Variants in MRPL42 observed in about 807,000 individuals in gnomAD.
MRPL42 encodes the protein mitochondrial ribosomal protein L42, also known as large ribosomal subunit protein mL42.
In MRPL42, 17 loss-of-function variants were observed where a neutral mutation model predicts 17.9. The ratio of observed to expected loss-of-function variants is 0.95; its 90% CI spans 0.65 to 1.42. MRPL42 has a LOEUF of 1.42. Among genes scored for constraint, MRPL42 ranks in the 40% most tolerant of loss-of-function variants. The pLI is 0.00. For missense variants in MRPL42, 177 were observed against 175.2 expected, an observed-to-expected ratio of 1.01 and a Z score of -0.06; for synonymous variants, 59 against 54.4, an observed-to-expected ratio of 1.08 and a Z score of -0.37.
chr12:93,501,157 G>T lies in MRPL42; in HGVS notation c.384-19G>T. On this transcript the variant is annotated intron_variant, in intron 5 of 5. Coordinates refer to ENST00000549982, the MANE Select transcript of MRPL42 (RefSeq NM_014050.4). ...TTTTATTAAAATCATCTTATTCCAA[G>T]TATTTTCTTCTTTTCAAGGTATCAC... is the stretch of plus-strand genomic sequence containing the variant. The T allele has an allele frequency of 6.4e-7, 1 of 1,561,154 alleles. No homozygotes were observed. The highest frequency in any genetic ancestry group is 1.2e-5 in the South Asian group (1 of 83,468).
intron 5 of MRPL42, 36 bp downstream of exon 5, chr12:93,487,696 A>G: frequency 1.3e-6 from 2 of 1,513,392 alleles, no homozygotes; most frequent in Non-Finnish European, 1.8e-6. Context: ...TCCCTACTAC[A>G]TACAGTAAAG....
In MRPL42 at chr12:93,487,494, T is replaced by TAC; in HGVS notation, c.220-2_220-1insCA. ...ATGATGTTTGTTACTGATTATTTTGTAGCCTATCCCTCGGCCAGATCCTGT... is the reference window on the plus strand; with the variant it reads ...ATGATGTTTGTTACTGATTATTTTGTACAGCCTATCCCTCGGCCAGATCCTGT... On this transcript the variant is annotated splice_polypyrimidine_tract_variant and splice_region_variant and intron_variant, in intron 4 of 5. Coordinates refer to ENST00000549982, the MANE Select transcript of MRPL42 (RefSeq NM_014050.4). 1 of 1,606,384 alleles carries TAC rather than the reference T, an allele frequency of 6.2e-7. No homozygotes were observed. The highest frequency in any genetic ancestry group is 8.5e-7 in the Non-Finnish European group (1 of 1,177,418).
At position 93,511,007 on chromosome 12, in the gene MRPL42, T is replaced by A. The variant is rs940009878; in HGVS notation, c.*9786T>A. On this transcript the variant is annotated 3_prime_UTR_variant, in exon 6 of 6. Transcript: ENST00000549982. ...AAAATAACTTCACTGGCTTTTTTTATCAAGAAAAGACTTACCTTTTCTGAA... is the reference window on the plus strand; with the variant it reads ...AAAATAACTTCACTGGCTTTTTTTAACAAGAAAAGACTTACCTTTTCTGAA... 1.3e-5 allele frequency: 2 copies of A among 152,190 alleles called. No individual in the cohort carries two copies. The highest frequency in any genetic ancestry group is 2.1e-4 in the South Asian group (1 of 4,824). The allele number at this position is 152,190 out of a possible 1,614,324, so 9.4% of individuals were successfully genotyped here.
chr12:93,487,392 A>T, intron 4 of MRPL42, 105 bp from the exon 5 acceptor site: 1 of 1,021,808 alleles, frequency 9.8e-7, no homozygotes, highest in Non-Finnish European at 1.4e-6. Flanking sequence ...ACCCTAAAGT[A>T]CTATAGTGAA....
At chr12:93,483,349 G>A (rs1592774734) in intron 4 of MRPL42, among the ~76,000 whole-genome samples, 1 of 152,262 alleles carries the variant, frequency 6.6e-6, no homozygotes, top group South Asian at 2.1e-4. Flanking sequence ...TCATTGTTAC[G>A]TGAACATCAT....
chr12:93,496,730 A>C (rs1244774835), intron 5 of MRPL42, among the ~76,000 whole-genome samples: 1 of 151,452 alleles, frequency 6.6e-6, no homozygotes, highest in Non-Finnish European at 1.5e-5. Flanking sequence ...GCCAGGTTAA[A>C]AGTAATACAG....
chr12:93,498,046 G>GT (rs35409805), intron 5 of MRPL42, among the ~76,000 whole-genome samples: 47,106 of 72,630 alleles, frequency 0.65, 15,710 homozygotes, highest in Middle Eastern at 0.69. Context: ...CTTTCTCACA[G>GT]TATCAGTAAA....
chr12:93,481,397 C>A (rs1880453403), intron 4 of MRPL42, among the ~76,000 whole-genome samples: 1 of 152,210 alleles, frequency 6.6e-6, no homozygotes, highest in Non-Finnish European at 1.5e-5. Flanking sequence ...TGTAGCTCTT[C>A]ACTGTCAAAT....
At position 93,467,537 on chromosome 12, in the gene MRPL42, T is replaced by C. The variant is rs1054153271; in HGVS notation, c.-112T>C. 10 of 152,642 alleles carry C rather than the reference T, an allele frequency of 6.6e-5. No homozygotes were observed. Among genetic ancestry groups the C allele is most frequent in the South Asian group, 2.1e-4 (1 of 4,834 alleles). The allele number at this position is 152,642 out of a possible 1,614,324, so 9.5% of individuals were successfully genotyped here. ...GGATTGAAACAAGATGGCGGGTTCGTGGTGAGAAGCCGTCAAGGTAACCGC... is the reference window on the plus strand; with the variant it reads ...GGATTGAAACAAGATGGCGGGTTCGCGGTGAGAAGCCGTCAAGGTAACCGC... On this transcript the variant is annotated 5_prime_UTR_variant, in exon 1 of 6. Coordinates refer to ENST00000549982, the MANE Select transcript of MRPL42 (RefSeq NM_014050.4).
intron 3 of MRPL42, among the ~76,000 whole-genome samples, chr12:93,477,656 G>C (rs552255324): frequency 6.6e-6 from 1 of 152,220 alleles, no homozygotes; most frequent in South Asian, 2.1e-4. Flanking sequence ...GAGAGCAGTG[G>C]TGTGATCTTG....
chr12:93,479,216 C>G (rs1880337647), intron 3 of MRPL42, among the ~76,000 whole-genome samples, 172 bp from the exon 4 acceptor site: 1 of 149,836 alleles, frequency 6.7e-6, no homozygotes. Context: ...AGCCACCACG[C>G]TGGGCCCAGA....
intron 4 of MRPL42, among the ~76,000 whole-genome samples, chr12:93,481,999 T>G (rs1316210221): frequency 6.6e-6 from 1 of 152,226 alleles, no homozygotes; most frequent in Non-Finnish European, 1.5e-5. Flanking sequence ...TTGTGTTTCC[T>G]TTGTTTTGAC....
chr12:93,482,861 C>A (rs761168150), intron 4 of MRPL42, among the ~76,000 whole-genome samples: 7 of 151,460 alleles, frequency 4.6e-5, no homozygotes, highest in Non-Finnish European at 7.4e-5. Context: ...GCCGGGCTTA[C>A]AAGCATGAGC....
rs1056553413 is a variant in MRPL42 at position 93,502,392 on chromosome 12, T to G, written c.*1171T>G. 1 of 152,224 alleles carries G rather than the reference T, an allele frequency of 6.6e-6. No individual in the cohort carries two copies. The highest frequency in any genetic ancestry group is 1.5e-5 in the Non-Finnish European group (1 of 68,040). The allele number at this position is 152,224 out of a possible 1,614,324, so 9.4% of individuals were successfully genotyped here. ...AGGTAGAAAGTTGCTTTATTTAAAT[T>G]TGTACTGTAGAATGTTTGTGATACA... On this transcript the variant is annotated 3_prime_UTR_variant, in exon 6 of 6. Transcript: ENST00000549982.
At chr12:93,489,829 C>G (rs931623319) in intron 5 of MRPL42, among the ~76,000 whole-genome samples, 2 of 152,240 alleles carry the variant, frequency 1.3e-5, no homozygotes, top group Non-Finnish European at 2.9e-5. Flanking sequence ...AGCCACTGCT[C>G]CCGGCCTTCC....
intron 1 of MRPL42, among the ~76,000 whole-genome samples, chr12:93,467,927 T>A (rs1230635409): frequency 6.6e-6 from 1 of 152,176 alleles, no homozygotes; most frequent in African/African-American, 2.4e-5. Context: ...ATGATCTTCC[T>A]GGGGTGAATA....
chr12:93,487,566 G>A lies in MRPL42; in HGVS notation c.289G>A (p.Glu97Lys). 2 of 1,613,620 alleles carry A rather than the reference G, an allele frequency of 1.2e-6. No homozygotes were observed. Reference protein sequence around the residue: ...THDQVLKTRLEEKVEHLEEGP... With the variant: ...THDQVLKTRLKEKVEHLEEGP... ...TGATCAAGTGCTGAAAACCAGATTG[G>A]AAGAAAAAGTTGAACACCTTGAGGA... is the stretch of plus-strand genomic sequence containing the variant. The change falls in exon 5 of 6, where the codon GAA becomes AAA. Residue 97 changes from glutamate to lysine, a missense_variant. Physicochemically the swap from Glu to Lys is moderately conservative, Grantham distance 56. Coordinates refer to ENST00000549982, the MANE Select transcript of MRPL42 (RefSeq NM_014050.4).
At chr12:93,496,643 T>TTA (rs777800663) in intron 5 of MRPL42, among the ~76,000 whole-genome samples, 2 of 70,716 alleles carry the variant, frequency 2.8e-5, no homozygotes, top group African/African-American at 1.3e-4. Context: ...TCAGATTAGG[T>TTA]AAAAAAAAAA....
At position 93,468,103 on chromosome 12, in the gene MRPL42, T is replaced by C. The variant is rs1017213282; in HGVS notation, c.-95+549T>C. On this transcript the variant is annotated intron_variant, in intron 1 of 5. Coordinates refer to ENST00000549982, the MANE Select transcript of MRPL42 (RefSeq NM_014050.4). The stretch of plus-strand genomic sequence containing the variant: ...ATCGATTGACCTCTCTGAGCCTTTG[T>C]TCTTAATCTGAAATGGAGATGCTGC... Among the ~76,000 whole-genome samples, 4 of 152,184 alleles carry C rather than the reference T, an allele frequency of 2.6e-5. No homozygotes were observed. The East Asian group carries it at 7.7e-4, about 29-fold the overall frequency.
Sources: allele counts gnomAD v4.1 joint callset (sites outside exome capture counted in the v4.1 genomes callset), GRCh38; gene constraint gnomAD v4.1.1; transcripts MANE v1.5; gene names NCBI Gene and HGNC (gene_info 2026-07-23, HGNC 2026-07-21).